The following ARHGEF4 variants were observed in gnomAD, a reference collection of about 807,000 sequenced individuals.
ARHGEF4 encodes the protein Rho guanine nucleotide exchange factor 4, also known as APC-stimulated guanine nucleotide exchange factor 1.
ARHGEF4 carries 119 observed loss-of-function variants against 162.0 expected under a neutral mutation model. That is an observed-to-expected ratio of 0.73 (90% CI 0.63 to 0.86). The LOEUF (loss-of-function observed/expected upper bound fraction) is 0.86. ARHGEF4 is among the 40% of genes least tolerant of loss of function. ARHGEF4 has a pLI of 0.00. For missense variants in ARHGEF4, 2,488 were observed against 2,456.0 expected (o/e 1.01, Z -0.28); for synonymous variants, 1,014 against 979.9 (o/e 1.03, Z -0.65).
intron 12 of ARHGEF4, 127 bp from the exon 13 acceptor site, chr2:131,045,242 C>A: frequency 1.1e-6 from 1 of 888,620 alleles, no homozygotes; most frequent in Non-Finnish European, 1.7e-6. Flanking sequence ...CAACAGTCCC[C>A]GCTGTGGCCA....
intron 4 of ARHGEF4, among the ~76,000 whole-genome samples, chr2:130,947,556 G>T (rs965153131): frequency 6.6e-6 from 1 of 152,146 alleles, no homozygotes; most frequent in Non-Finnish European, 1.5e-5. Context: ...TGGAACTTGG[G>T]TGTTTTCCGT....
At chr2:130,855,784 C>T (rs1440657448) in intron 1 of ARHGEF4, among the ~76,000 whole-genome samples, 1 of 152,102 alleles carries the variant, frequency 6.6e-6, no homozygotes, top group Non-Finnish European at 1.5e-5. Context: ...CCGGCTAAGT[C>T]GTTATTGCTT....
chr2:130,891,315 G>A (rs549433877), intron 1 of ARHGEF4, among the ~76,000 whole-genome samples: 89 of 152,270 alleles, frequency 5.8e-4, no homozygotes, highest in African/African-American at 2.1e-3. Context: ...GGCTAAAATA[G>A]CAATACAATT....
intron 4 of ARHGEF4, among the ~76,000 whole-genome samples, chr2:130,983,606 C>T (rs1288960529): frequency 3.9e-5 from 6 of 151,936 alleles, no homozygotes; most frequent in Non-Finnish European, 7.4e-5. Flanking sequence ...ACTTAATTTA[C>T]TTAATGTATG....
chr2:130,882,764 C>G (rs1200121855), intron 1 of ARHGEF4, among the ~76,000 whole-genome samples: 1 of 151,800 alleles, frequency 6.6e-6, no homozygotes, highest in African/African-American at 2.4e-5. Context: ...TTAAAAGAAG[C>G]AGAAAATGAA....
In ARHGEF4 at chr2:130,977,700, G is replaced by A. The variant is rs541155115; in HGVS notation, c.3985+31065G>A. On this transcript the variant is annotated intron_variant, in intron 4 of 13. Coordinates refer to ENST00000409359, the MANE Select transcript of ARHGEF4 (RefSeq NM_001367493.1). ...TGTGCGCTGTGTGCATTGTGCAAAC[G>A]TGTTTTTTTTGCATCTTGTGCGTGT... Among the ~76,000 whole-genome samples, 4 of 151,786 alleles carry A rather than the reference G, an allele frequency of 2.6e-5. 1 individual carries two copies. Among genetic ancestry groups the A allele is most frequent in the Admixed American group, 2.6e-4 (4 of 15,218 alleles).
At chr2:131,040,227 C>T (rs1251402311) in intron 7 of ARHGEF4, 34 bp from the exon 8 acceptor site, 7 of 1,609,030 alleles carry the variant, frequency 4.4e-6, no homozygotes, top group Non-Finnish European at 5.9e-6. Context: ...ACTGGGGACC[C>T]GGTCGGGGGA....
chr2:130,878,480 T>C (rs1384820024), intron 1 of ARHGEF4, among the ~76,000 whole-genome samples: 2 of 152,198 alleles, frequency 1.3e-5, no homozygotes, highest in East Asian at 3.9e-4. Flanking sequence ...AAGTGGATGC[T>C]GTGTGAGCAG....
rs904966689 is a variant in ARHGEF4 at position 130,964,350 on chromosome 2, C to T, written c.3985+17715C>T. 9 of 688,946 alleles carry T rather than the reference C, an allele frequency of 1.3e-5. No individual in the cohort carries two copies. The African/African-American group carries it at 1.7e-4, about 13-fold the overall frequency. 42.7% of individuals were successfully genotyped at this position (688,946 alleles called of 1,614,324 possible). On this transcript the variant is annotated intron_variant, in intron 4 of 13. Transcript: ENST00000409359. ...TCCTGCCTTTCCTTCTCCTCCCTCA[C>T]TTTCTGCCTGTCGTTTCCATCTCCT...
At position 130,972,670 on chromosome 2, in the gene ARHGEF4, A is replaced by G. The variant is rs560811314; in HGVS notation, c.3985+26035A>G. On this transcript the variant is annotated intron_variant, in intron 4 of 13. Transcript: ENST00000409359. Reference sequence around the variant, plus strand: ...TCAGGCTAGTAGCTGAAACTTCAGAACAAAACAAAAACCTATCTGTAAACT... The same window carrying G: ...TCAGGCTAGTAGCTGAAACTTCAGAGCAAAACAAAAACCTATCTGTAAACT... 8.5e-5 allele frequency among the ~76,000 whole-genome samples: 13 copies of G among 152,382 alleles called. No individual in the cohort carries two copies. In the South Asian group the frequency reaches 2.7e-3, roughly 32 times the overall value.
intron 2 of ARHGEF4, among the ~76,000 whole-genome samples, chr2:130,925,262 C>G (rs1413186472): frequency 1.3e-5 from 2 of 151,834 alleles, no homozygotes; most frequent in Non-Finnish European, 2.9e-5. Context: ...GTAATCAAGA[C>G]CATGTAGTAC....
intron 1 of ARHGEF4, among the ~76,000 whole-genome samples, chr2:130,911,949 T>A (rs1014334504): frequency 6.6e-6 from 1 of 152,214 alleles, no homozygotes; most frequent in Non-Finnish European, 1.5e-5. Flanking sequence ...GATGCCTGCG[T>A]GAGTCTGGAA....
At chr2:131,035,348 C>G in intron 5 of ARHGEF4, 1 of 1,112,510 alleles carries the variant, frequency 9.0e-7, no homozygotes. Flanking sequence ...GCACTGGTCG[C>G]GGAGGGAAGG....
intron 1 of ARHGEF4, among the ~76,000 whole-genome samples, chr2:130,845,823 G>A (rs1427610078): frequency 2.0e-5 from 3 of 152,216 alleles, no homozygotes; most frequent in East Asian, 1.9e-4. Context: ...TGGGCCTCCA[G>A]GGAACCAGGC....
At chr2:130,919,325 A>C (rs946832823) in intron 2 of ARHGEF4, among the ~76,000 whole-genome samples, 3 of 152,168 alleles carry the variant, frequency 2.0e-5, no homozygotes, top group Non-Finnish European at 4.4e-5. Context: ...GATTGCACAA[A>C]GGGCAGGGGT....
intron 4 of ARHGEF4, among the ~76,000 whole-genome samples, chr2:130,986,217 A>G (rs551940333): frequency 6.6e-6 from 1 of 152,142 alleles, no homozygotes; most frequent in African/African-American, 2.4e-5. Context: ...GCATGTGTGC[A>G]TCGTGTGTGG....
At chr2:131,031,428 G>A (rs971070933) in intron 5 of ARHGEF4, among the ~76,000 whole-genome samples, 2 of 152,212 alleles carry the variant, frequency 1.3e-5, no homozygotes, top group South Asian at 4.1e-4. Flanking sequence ...GGTGTGTGTT[G>A]CATACATGTA....
intron 1 of ARHGEF4, among the ~76,000 whole-genome samples, chr2:130,892,306 C>T (rs61074095): frequency 0.018 from 2,671 of 152,262 alleles, 90 homozygotes; most frequent in African/African-American, 0.062. Context: ...AAGCAGTTCT[C>T]CAGTAGACGT....
In ARHGEF4 at chr2:131,047,199, C is replaced by T. The variant is rs962131550; in HGVS notation, c.*1010C>T. Reference sequence around the variant, plus strand: ...CATGGACAGTCACTCTTGCACTATTCCTTCTCCAAGCCAGAAACCACATTT... The same window carrying T: ...CATGGACAGTCACTCTTGCACTATTTCTTCTCCAAGCCAGAAACCACATTT... On this transcript the variant is annotated 3_prime_UTR_variant, in exon 14 of 14. Transcript: ENST00000409359. 1 of 152,210 alleles carries T rather than the reference C, an allele frequency of 6.6e-6. No individual in the cohort carries two copies. The highest frequency in any genetic ancestry group is 1.5e-5 in the Non-Finnish European group (1 of 68,050). 9.4% of individuals were successfully genotyped at this position (152,210 alleles called of 1,614,324 possible). A position where few individuals can be genotyped will look rare whatever the true frequency, so the allele number is the denominator to read the frequency against.
Sources: gnomAD v4.1 joint callset for allele counts (sites outside exome capture counted in the v4.1 genomes callset) on GRCh38, gnomAD v4.1.1 for gene constraint, MANE v1.5 for transcripts, NCBI Gene and HGNC (gene_info 2026-07-23, HGNC 2026-07-21) for gene names.